Variants in MACROH2A1 observed in about 807,000 individuals in gnomAD.
The protein encoded by MACROH2A1 is core histone macro-H2A.1.
In MACROH2A1, 2 loss-of-function variants were observed where a neutral mutation model predicts 31.6. The observed-to-expected ratio is 0.06, with a 90% CI of 0.03 to 0.20. MACROH2A1 has a LOEUF of 0.20. Ranked by LOEUF, MACROH2A1 falls within the 10% of genes least tolerant of loss-of-function variation. The pLI is 1.00. For synonymous variants in MACROH2A1, 169 were observed against 189.6 expected, an observed-to-expected ratio of 0.89 and a Z score of 0.89; for missense variants, 230 against 474.0, an observed-to-expected ratio of 0.49 and a Z score of 4.78.
At chr5:135,391,168 G>C (rs539131071) in intron 1 of MACROH2A1, among the ~76,000 whole-genome samples, 1 of 152,354 alleles carries the variant, frequency 6.6e-6, no homozygotes. Context: ...ATGTGTGCCT[G>C]TGTTTTCAGG....
chr5:135,356,742 T>C (rs1762221506), intron 5 of MACROH2A1: 1 of 152,158 alleles, frequency 6.6e-6, no homozygotes, highest in Admixed American at 6.5e-5. Context: ...TGGATGGACA[T>C]GCAGACTGCC....
chr5:135,379,508 G>A (rs1765365812), intron 2 of MACROH2A1, among the ~76,000 whole-genome samples: 1 of 152,170 alleles, frequency 6.6e-6, no homozygotes, highest in Non-Finnish European at 1.5e-5. Flanking sequence ...GGCTGACAAT[G>A]ATTAATACCC....
In MACROH2A1 at chr5:135,335,010, T is replaced by C; in HGVS notation, c.1085A>G (p.Tyr362Cys). Residue 362 changes from tyrosine to cysteine, a missense_variant, in exon 9 of 9, where the codon TAT becomes TGT. Around this residue, in one of 2 missense-constraint regions of MACROH2A1, gnomAD observed 183 missense variants for 319.3 expected, o/e 0.57. Coordinates refer to ENST00000511689, the MANE Select transcript of MACROH2A1 (RefSeq NM_138610.3). ...VLFDSESIGI[Y>C]VQEMAKLDAN ...GTCCAGCTTGGCCATTTCCTGCACA[T>C]AGATGCCTATACTCTCGCTGTCAAA... is the stretch of plus-strand genomic sequence containing the variant. The C allele has an allele frequency of 6.2e-7, 1 of 1,614,052 alleles. No homozygotes were observed.
chr5:135,357,712 T>G, intron 5 of MACROH2A1: 1 of 984,356 alleles, frequency 1.0e-6, no homozygotes, highest in Non-Finnish European at 1.2e-6. Flanking sequence ...AGCAAAAGCA[T>G]TTAGTTGACT....
At chr5:135,341,857 G>C (rs1581135054) in intron 8 of MACROH2A1, among the ~76,000 whole-genome samples, 1 of 152,370 alleles carries the variant, frequency 6.6e-6, no homozygotes, top group Non-Finnish European at 1.5e-5. Context: ...AGAAGGGACA[G>C]CCTGCAGTGT....
At chr5:135,373,220 AGG>A (rs1423861051) in intron 2 of MACROH2A1, among the ~76,000 whole-genome samples, 1 of 151,768 alleles carries the variant, frequency 6.6e-6, no homozygotes, top group East Asian at 1.9e-4. Context: ...GGAGGAGGGG[AGG>A]GATGTGGTCT....
intron 2 of MACROH2A1, among the ~76,000 whole-genome samples, chr5:135,376,468 A>C (rs1701001469): frequency 2.0e-5 from 3 of 152,356 alleles, no homozygotes; most frequent in African/African-American, 7.2e-5. Context: ...CATTACCTTA[A>C]TCTAACCCAC....
Position 135,389,135 on chromosome 5 carries a change from G to A in MACROH2A1, c.-33-9C>T. The A allele has an allele frequency of 6.3e-7, 1 of 1,587,398 alleles. No homozygotes were observed. Among genetic ancestry groups the A allele is most frequent in the East Asian group, 2.3e-5 (1 of 44,444 alleles). ...GCGGATCAGTGAGCACACTGTGAAG[G>A]CGAGAGGCACACCGGTCAGGGTGGC... On this transcript the variant is annotated splice_polypyrimidine_tract_variant and intron_variant, in intron 1 of 8. Transcript: ENST00000511689.
At chr5:135,360,989 T>G (rs1208946024) in intron 4 of MACROH2A1, 1 of 350,350 alleles carries the variant, frequency 2.9e-6, no homozygotes, top group South Asian at 2.3e-5. Flanking sequence ...GAAGAAAAAC[T>G]GTTCTAGGTC....
intron 1 of MACROH2A1, among the ~76,000 whole-genome samples, chr5:135,394,318 C>T (rs1373541763): frequency 6.6e-6 from 1 of 152,186 alleles, no homozygotes; most frequent in Non-Finnish European, 1.5e-5. Context: ...GGCAATGATC[C>T]ATCAATGTGC....
At chr5:135,335,724 G>GTGTT (rs3079145) in intron 8 of MACROH2A1, among the ~76,000 whole-genome samples, 2,013 of 152,324 alleles carry the variant, frequency 0.013, 53 homozygotes, top group African/African-American at 0.046. Flanking sequence ...CAAGCCAAAT[G>GTGTT]TGTTTGAATC....
intron 2 of MACROH2A1, among the ~76,000 whole-genome samples, chr5:135,381,262 A>G (rs1343617698): frequency 6.6e-6 from 1 of 152,228 alleles, no homozygotes; most frequent in Non-Finnish European, 1.5e-5. Context: ...ATATAAAAAT[A>G]TTGAGCAAAA....
intron 8 of MACROH2A1, among the ~76,000 whole-genome samples, chr5:135,337,290 C>CCAA (rs1479496192): frequency 6.6e-6 from 1 of 152,270 alleles, no homozygotes; most frequent in Non-Finnish European, 1.5e-5. Flanking sequence ...GCAGCTGTCT[C>CCAA]CAACAACGGT....
chr5:135,347,958 C>T (rs1392635775), intron 6 of MACROH2A1, among the ~76,000 whole-genome samples: 1 of 152,170 alleles, frequency 6.6e-6, no homozygotes, highest in Non-Finnish European at 1.5e-5. Flanking sequence ...ATTACCAACT[C>T]CTTTCTAAAA....
At chr5:135,368,945 G>A (rs1354556663) in intron 4 of MACROH2A1, among the ~76,000 whole-genome samples, 1 of 152,216 alleles carries the variant, frequency 6.6e-6, no homozygotes, top group African/African-American at 2.4e-5. Context: ...CAACCATTCT[G>A]GAGTGAACTG....
chr5:135,364,255 G>A (rs1284581019), intron 4 of MACROH2A1, among the ~76,000 whole-genome samples: 1 of 152,154 alleles, frequency 6.6e-6, no homozygotes, highest in Non-Finnish European at 1.5e-5. Flanking sequence ...TGTGGGGCTG[G>A]GGGAAGGATA....
At chr5:135,377,051 G>A (rs138925346) in intron 2 of MACROH2A1, among the ~76,000 whole-genome samples, 36 of 152,276 alleles carry the variant, frequency 2.4e-4, no homozygotes, top group Non-Finnish European at 8.8e-5. Flanking sequence ...GATTAACCTC[G>A]GTGCTGCCAG....
intron 7 of MACROH2A1, 139 bp from the exon 8 acceptor site, chr5:135,343,573 T>A: frequency 7.6e-7 from 1 of 1,321,854 alleles, no homozygotes; most frequent in Non-Finnish European, 1.0e-6. Flanking sequence ...GTTCCACAGC[T>A]GTCTGCTGCG....
chr5:135,345,891 T>C, intron 7 of MACROH2A1, 77 bp downstream of exon 7: 1 of 942,090 alleles, frequency 1.1e-6, no homozygotes, highest in East Asian at 2.4e-5. Flanking sequence ...CTCTGAATTC[T>C]AAGCCCTCTC....
Sources: allele counts gnomAD v4.1 joint callset (sites outside exome capture counted in the v4.1 genomes callset), GRCh38; gene constraint gnomAD v4.1.1; regional missense constraint gnomAD v4.1.1; transcripts MANE v1.5; gene names NCBI Gene and HGNC (gene_info 2026-07-23, HGNC 2026-07-21).